GPD2: variants seen among roughly 807,000 people sequenced by gnomAD.
The protein encoded by GPD2 is glycerol-3-phosphate dehydrogenase, mitochondrial.
A neutral mutation model predicts 82.4 loss-of-function variants in GPD2; 54 were observed. The ratio of observed to expected loss-of-function variants is 0.66; its 90% CI spans 0.53 to 0.82. The LOEUF is 0.82. GPD2 is among the 40% of genes least tolerant of loss of function. The pLI, the probability that GPD2 is intolerant of heterozygous loss-of-function variation, is 0.00. For missense variants in GPD2, 748 were observed against 896.2 expected (o/e 0.83, Z 2.11); for synonymous variants, 288 against 306.1 (o/e 0.94, Z 0.62).
chr2:156,571,465 A>C (rs1461832373), intron 13 of GPD2, among the ~76,000 whole-genome samples, 173 bp downstream of exon 13: 4 of 152,132 alleles, frequency 2.6e-5, no homozygotes, highest in Admixed American at 2.6e-4. Flanking sequence ...ATTCCATTTA[A>C]ATTTAGTTGT....
At chr2:156,570,992 C>G in intron 12 of GPD2, 142 bp from the exon 13 acceptor site, 1 of 686,400 alleles carries the variant, frequency 1.5e-6, no homozygotes, top group Non-Finnish European at 2.6e-6. Context: ...CACTATTTGT[C>G]TCATGCCTGC....
intron 9 of GPD2, among the ~76,000 whole-genome samples, chr2:156,559,697 T>G (rs1687098186): frequency 6.6e-6 from 1 of 152,206 alleles, no homozygotes; most frequent in South Asian, 2.1e-4. Flanking sequence ...TCTTTGGATA[T>G]CTACAATAAT....
intron 16 of GPD2, among the ~76,000 whole-genome samples, chr2:156,580,517 A>C (rs1453605254): frequency 6.6e-6 from 1 of 152,178 alleles, no homozygotes; most frequent in Non-Finnish European, 1.5e-5. Context: ...TGAAGAATGT[A>C]TTGGGTTTCC....
chr2:156,578,933 C>A lies in GPD2; in HGVS notation c.1812C>A (p.Gly604=). The change falls in exon 14 of 17, where the codon GGC becomes GGA. Residue 604 remains glycine (G), a synonymous_variant. Coordinates refer to ENST00000438166, the MANE Select transcript of GPD2 (RefSeq NM_000408.5). ...TARKFLYYEM[G]YKSRSEQLTD... ...GGAAGTTTCTATATTATGAAATGGG[C>A]TATAAATCTCGATCAGAACAGTTAA... The A allele has an allele frequency of 6.2e-7, 1 of 1,611,490 alleles. No homozygotes were observed. Among genetic ancestry groups the A allele is most frequent in the Non-Finnish European group, 8.5e-7 (1 of 1,177,890 alleles).
At chr2:156,485,843 T>A (rs1683919358) in intron 2 of GPD2, among the ~76,000 whole-genome samples, 1 of 152,254 alleles carries the variant, frequency 6.6e-6, no homozygotes, top group South Asian at 2.1e-4. Flanking sequence ...ATTACATATG[T>A]GTCTTGAATT....
chr2:156,438,450 C>G (rs1456650392), intron 1 of GPD2, among the ~76,000 whole-genome samples: 3 of 152,068 alleles, frequency 2.0e-5, no homozygotes, highest in African/African-American at 7.2e-5. Flanking sequence ...AGAATTCTTG[C>G]ATGTTGTGCA....
the GPD2 span, among the ~76,000 whole-genome samples, chr2:156,404,732 G>A: frequency 6.8e-6 from 1 of 147,342 alleles, no homozygotes. Context: ...TGGTGCGGCT[G>A]TAATCCCACT....
chr2:156,405,035 CAG>C, the GPD2 span, among the ~76,000 whole-genome samples: 1 of 151,972 alleles, frequency 6.6e-6, no homozygotes, highest in Non-Finnish European at 1.5e-5. Flanking sequence ...AACAGTGTGA[CAG>C]AGAAGTAGAA....
Position 156,569,351 on chromosome 2 carries a change from A to G in GPD2, c.1301-12A>G, listed in dbSNP as rs749278294. ...TGGCAACCTGATGAATTGTCTATCAATTTCTTTATAGGTGGAAAGTGGACA... is the reference window on the plus strand; with the variant it reads ...TGGCAACCTGATGAATTGTCTATCAGTTTCTTTATAGGTGGAAAGTGGACA... On this transcript the variant is annotated splice_polypyrimidine_tract_variant and intron_variant, in intron 10 of 16. Coordinates refer to ENST00000438166, the MANE Select transcript of GPD2 (RefSeq NM_000408.5). 2 of 1,587,378 alleles carry G rather than the reference A, an allele frequency of 1.3e-6. No individual in the cohort carries two copies. The highest frequency in any genetic ancestry group is 1.1e-5 in the South Asian group (1 of 90,586).
intron 6 of GPD2, among the ~76,000 whole-genome samples, chr2:156,534,349 C>T (rs947953957): frequency 2.6e-5 from 4 of 152,264 alleles, no homozygotes; most frequent in South Asian, 2.1e-4. Flanking sequence ...TAATGGTACA[C>T]GATGCAGGGA....
intron 1 of GPD2, among the ~76,000 whole-genome samples, chr2:156,462,626 G>A (rs1683029670): frequency 6.6e-6 from 1 of 152,052 alleles, no homozygotes; most frequent in African/African-American, 2.4e-5. Context: ...CTATGTAAGA[G>A]GCTGGGGTAG....
Position 156,570,183 on chromosome 2 carries a change from C to T in GPD2, c.1573C>T (p.Arg525Cys), listed in dbSNP as rs139369525. The T allele has an allele frequency of 1.6e-5, 26 of 1,612,704 alleles. No individual in the cohort carries two copies. The highest frequency in any genetic ancestry group is 1.6e-4 in the African/African-American group (12 of 74,826). ...TGKRWPIVGV[R>C]LVSEFPYIEA... ...CAAAAGGTGGCCTATTGTTGGAGTA[C>T]GTCTTGTGTCAGAATTTCCATATAT... The change falls in exon 12 of 17, where the codon CGT (arginine) becomes TGT (cysteine). Residue 525 changes from arginine to cysteine, a missense_variant. This residue lies in a region of GPD2 where 692 missense variants were observed against 809.7 expected (regional missense o/e 0.85). Transcript: ENST00000438166.
chr2:156,479,972 T>C (rs1223312163), intron 2 of GPD2, among the ~76,000 whole-genome samples: 1 of 152,182 alleles, frequency 6.6e-6, no homozygotes, highest in African/African-American at 2.4e-5. Flanking sequence ...CCACTGGGAA[T>C]GGAGCAAGCA....
At chr2:156,424,202 G>GAAAAA in the GPD2 span, among the ~76,000 whole-genome samples, 1 of 147,524 alleles carries the variant, frequency 6.8e-6, no homozygotes. Context: ...ATTAAATAAG[G>GAAAAA]AAAAAAAAAA....
chr2:156,419,014 A>G, the GPD2 span, among the ~76,000 whole-genome samples: 2 of 149,656 alleles, frequency 1.3e-5, no homozygotes, highest in East Asian at 1.9e-4. Flanking sequence ...CAGCATGTCA[A>G]CTTGCCATAT....
chr2:156,521,830 A>G lies in GPD2; in HGVS notation c.661+8334A>G, dbSNP rs137949934. ...GCTTTTAATATTTCTCCTTGTTCAT[A>G]TGCAATTTTACACTTCTAAACTAAA... On this transcript the variant is annotated intron_variant, in intron 6 of 16. Coordinates refer to ENST00000438166, the MANE Select transcript of GPD2 (RefSeq NM_000408.5). Among the ~76,000 whole-genome samples the G allele has an allele frequency of 2.6e-5, 4 of 152,338 alleles. No individual in the cohort carries two copies. In the East Asian group the frequency reaches 7.7e-4, roughly 29 times the overall value.
At chr2:156,547,694 T>G (rs1227041873) in intron 6 of GPD2, among the ~76,000 whole-genome samples, 1 of 152,232 alleles carries the variant, frequency 6.6e-6, no homozygotes, top group African/African-American at 2.4e-5. Context: ...TAGGGAACAT[T>G]TGTTAGTATG....
In GPD2 at chr2:156,578,905, C is replaced by CT; in HGVS notation, c.1784_1785insT (p.Arg596GlnfsTer7). ...CTGTTTTAGGAACAACTTGAAACAG[C>CT]CAGGAAGTTTCTATATTATGAAATG... On this transcript the variant is annotated frameshift_variant, in exon 14 of 17. Transcript: ENST00000438166. LOFTEE classifies it high-confidence loss of function. 1 of 1,599,228 alleles carries CT rather than the reference C, an allele frequency of 6.3e-7. No individual in the cohort carries two copies. Among genetic ancestry groups the CT allele is most frequent in the Non-Finnish European group, 8.6e-7 (1 of 1,167,198 alleles).
chr2:156,476,102 A>G lies in GPD2; in HGVS notation c.-4A>G, dbSNP rs1683501145. 3.9e-6 allele frequency: 6 copies of G among 1,554,604 alleles called. No homozygotes were observed. The highest frequency in any genetic ancestry group is 1.1e-5 in the South Asian group (1 of 89,818). On this transcript the variant is annotated 5_prime_UTR_variant, in exon 2 of 17. Transcript: ENST00000438166. The stretch of plus-strand genomic sequence containing the variant: ...GTTTCTTATTTTTCTTTGTAGGCTA[A>G]GAAATGGCATTTCAAAAGGCAGTGA...
Sources: gnomAD v4.1 joint callset for allele counts (sites outside exome capture counted in the v4.1 genomes callset) on GRCh38, gnomAD v4.1.1 for gene constraint, gnomAD v4.1.1 regional missense constraint, MANE v1.5 for transcripts, NCBI Gene and HGNC (gene_info 2026-07-23, HGNC 2026-07-21) for gene names.